SLA: variants seen among roughly 807,000 people sequenced by gnomAD.
The protein encoded by SLA is src-like-adapter.
A neutral mutation model predicts 30.3 loss-of-function variants in SLA; 16 were observed. That is an observed-to-expected ratio of 0.53 (90% CI 0.36 to 0.80). The LOEUF (loss-of-function observed/expected upper bound fraction) is 0.80. SLA is among the 30% of genes least tolerant of loss of function. The probability of loss-of-function intolerance (pLI) is 0.01; values close to 1 mark genes in which losing one functional copy is unlikely to be tolerated. For synonymous variants in SLA, 143 were observed against 137.8 expected (o/e 1.04, Z -0.26); for missense variants, 310 against 345.2 (o/e 0.90, Z 0.81).
chr8:133,045,200 A>T, intron 6 of SLA, 85 bp from the exon 7 acceptor site: 1 of 1,457,662 alleles, frequency 6.9e-7, no homozygotes, highest in Non-Finnish European at 9.5e-7. Context: ...CCACTGAGGC[A>T]GGGAGACCTG....
At chr8:133,054,094 G>A (rs139642798) in intron 3 of SLA, among the ~76,000 whole-genome samples, 14 of 152,250 alleles carry the variant, frequency 9.2e-5, no homozygotes, top group East Asian at 7.7e-4. Flanking sequence ...AGCTTTGGTT[G>A]CTACAGAAAA....
intron 1 of SLA, among the ~76,000 whole-genome samples, chr8:133,088,943 TA>T (rs1029375770): frequency 1.3e-5 from 2 of 152,164 alleles, no homozygotes; most frequent in African/African-American, 4.8e-5. Context: ...CTTGGATGTT[TA>T]AAAAAAGTCC....
chr8:133,059,636 C>T (rs573766119), intron 3 of SLA, among the ~76,000 whole-genome samples: 2 of 152,024 alleles, frequency 1.3e-5, no homozygotes, highest in Admixed American at 1.3e-4. Context: ...CAGGATGGTG[C>T]CTAGCTTAGA....
chr8:133,091,466 C>T (rs998998914), intron 1 of SLA, among the ~76,000 whole-genome samples: 8 of 152,152 alleles, frequency 5.3e-5, no homozygotes, highest in South Asian at 2.1e-4. Flanking sequence ...CTGCCCACCC[C>T]GCTTCTTGTT....
At chr8:133,093,936 C>T (rs370979508) in intron 1 of SLA, among the ~76,000 whole-genome samples, 14 of 152,172 alleles carry the variant, frequency 9.2e-5, no homozygotes, top group African/African-American at 3.1e-4. Context: ...TGTCGGAGCC[C>T]TCAATCCACA....
chr8:133,043,798 A>G (rs150357436), intron 7 of SLA, among the ~76,000 whole-genome samples: 26 of 152,350 alleles, frequency 1.7e-4, no homozygotes, highest in African/African-American at 6.0e-4. Flanking sequence ...GCCCATATGC[A>G]AGAGAATGCC....
At chr8:133,069,989 A>G (rs1371180426) in intron 2 of SLA, among the ~76,000 whole-genome samples, 2 of 132,504 alleles carry the variant, frequency 1.5e-5, no homozygotes, top group Admixed American at 8.1e-5. Context: ...TGACAGAGCA[A>G]GGCTCCAGCT....
intron 3 of SLA, among the ~76,000 whole-genome samples, chr8:133,056,370 G>A (rs950742127): frequency 6.6e-5 from 10 of 152,164 alleles, no homozygotes; most frequent in African/African-American, 2.4e-4. Flanking sequence ...GATTTGACAC[G>A]GATTCACTGT....
chr8:133,040,004 A>G lies in SLA; in HGVS notation c.611T>C (p.Val204Ala). Residue 204 changes from valine to alanine, a missense_variant, in exon 8 of 9, where the codon GTG becomes GCG. By Grantham distance (64) the Val-to-Ala change is moderately conservative. Transcript: ENST00000338087. ...LRQKTVDWRRVSRLQEDPEGT... is the reference protein window; with the variant it reads ...LRQKTVDWRRASRLQEDPEGT... ...ATACACACACCATACTCACCTGGAC[A>G]CTCTCCTCCAGTCCACAGTCTTCTG... is the stretch of plus-strand genomic sequence containing the variant. 6.4e-7 allele frequency: 1 copy of G among 1,550,658 alleles called. No homozygotes were observed. The highest frequency in any genetic ancestry group is 2.4e-5 in the East Asian group (1 of 40,854).
intron 1 of SLA, among the ~76,000 whole-genome samples, chr8:133,085,559 T>C (rs752584966): frequency 3.4e-4 from 51 of 152,146 alleles, no homozygotes; most frequent in Middle Eastern, 3.2e-3. Flanking sequence ...TGAATAGACA[T>C]TTCTCCAAAG....
At chr8:133,049,064 T>C in intron 5 of SLA, 1 of 436,886 alleles carries the variant, frequency 2.3e-6, no homozygotes, top group Non-Finnish European at 4.6e-6. Context: ...ATAATGTAAC[T>C]CCAGGAGGTG....
At chr8:133,089,053 C>T (rs1373021421) in intron 1 of SLA, among the ~76,000 whole-genome samples, 1 of 152,210 alleles carries the variant, frequency 6.6e-6, no homozygotes, top group Non-Finnish European at 1.5e-5. Flanking sequence ...GTGGCACCTT[C>T]CAGGTGTGGG....
intron 1 of SLA, among the ~76,000 whole-genome samples, chr8:133,084,492 C>T (rs1238627316): frequency 6.6e-6 from 1 of 152,192 alleles, no homozygotes; most frequent in Non-Finnish European, 1.5e-5. Context: ...CTCATGGTGT[C>T]ACTTTTAAAG....
chr8:133,054,186 G>A (rs1468158913), intron 3 of SLA, among the ~76,000 whole-genome samples: 3 of 152,122 alleles, frequency 2.0e-5, no homozygotes, highest in Non-Finnish European at 4.4e-5. Flanking sequence ...TTAGCTTTAT[G>A]GAGAGCTCAG....
At chr8:133,039,044 A>AT (rs1294530649) in intron 8 of SLA, among the ~76,000 whole-genome samples, 37 of 152,008 alleles carry the variant, frequency 2.4e-4, no homozygotes, top group Non-Finnish European at 1.9e-4. Flanking sequence ...CGCCCAGCTA[A>AT]TTTTTTGTAT....
chr8:133,057,774 C>A (rs72729516), intron 3 of SLA, among the ~76,000 whole-genome samples: 49 of 141,988 alleles, frequency 3.5e-4, no homozygotes, highest in South Asian at 6.6e-4. Context: ...AAACAAAAAA[C>A]AAAAAAAAAA....
chr8:133,038,445 A>G lies in SLA; in HGVS notation c.*79T>C. 8.9e-7 allele frequency: 1 copy of G among 1,126,906 alleles called. No homozygotes were observed. 69.8% of individuals were successfully genotyped at this position (1,126,906 alleles called of 1,614,324 possible). On this transcript the variant is annotated 3_prime_UTR_variant, in exon 9 of 9. Coordinates refer to ENST00000338087, the MANE Select transcript of SLA (RefSeq NM_001045556.3). ...ACGTGAGGCTCCCAGGGATCAGGGA[A>G]CCTCGCTTTTCGCAAGATCCCAGGC...
intron 2 of SLA, among the ~76,000 whole-genome samples, chr8:133,067,387 G>A (rs1249007052): frequency 6.6e-6 from 1 of 152,184 alleles, no homozygotes; most frequent in Non-Finnish European, 1.5e-5. Flanking sequence ...AGACCTACAA[G>A]GGCAGGCAGC....
chr8:133,045,919 T>C (rs1839295377), intron 6 of SLA, among the ~76,000 whole-genome samples: 1 of 152,178 alleles, frequency 6.6e-6, no homozygotes, highest in South Asian at 2.1e-4. Context: ...CTTGCAGTTA[T>C]GCCCCCTTTT....
Sources: allele counts gnomAD v4.1 joint callset (sites outside exome capture counted in the v4.1 genomes callset), GRCh38; gene constraint gnomAD v4.1.1; transcripts MANE v1.5; gene names NCBI Gene and HGNC (gene_info 2026-07-23, HGNC 2026-07-21).